The following PCNX2 variants were observed in gnomAD, a reference collection of about 807,000 sequenced individuals.
PCNX2 encodes the protein pecanex-like protein 2.
PCNX2 carries 168 observed loss-of-function variants against 223.8 expected under a neutral mutation model. That is an observed-to-expected ratio of 0.75 (90% confidence interval 0.66 to 0.85). The LOEUF (loss-of-function observed/expected upper bound fraction) is 0.85. Among genes scored for constraint, PCNX2 ranks in the 40% least tolerant of loss-of-function variants. The probability of loss-of-function intolerance (pLI) is 0.00; values close to 1 mark genes in which losing one functional copy is unlikely to be tolerated. For synonymous variants in PCNX2, 1,006 were observed against 1,052.6 expected, an observed-to-expected ratio of 0.96 and a Z score of 0.86; for missense variants, 2,507 against 2,675.5, an observed-to-expected ratio of 0.94 and a Z score of 1.39.
At chr1:233,158,079 G>A (rs1429682899) in intron 19 of PCNX2, among the ~76,000 whole-genome samples, 2 of 151,952 alleles carry the variant, frequency 1.3e-5, no homozygotes, top group Admixed American at 6.6e-5. Context: ...CTTGAATCTT[G>A]TACTAAAAAG....
intron 19 of PCNX2, among the ~76,000 whole-genome samples, chr1:233,153,428 C>A (rs1343203871): frequency 6.6e-6 from 1 of 152,036 alleles, no homozygotes; most frequent in East Asian, 1.9e-4. Flanking sequence ...GAATGGTGAG[C>A]AAATACAAAA....
intron 1 of PCNX2, chr1:233,291,010 C>G (rs1305540558): frequency 9.1e-6 from 9 of 985,296 alleles, no homozygotes; most frequent in Non-Finnish European, 1.1e-5. Context: ...GAGTTGACCA[C>G]AATGCCACTG....
chr1:233,248,356 G>T (rs1255343797), intron 8 of PCNX2, among the ~76,000 whole-genome samples: 1 of 151,896 alleles, frequency 6.6e-6, no homozygotes, highest in Non-Finnish European at 1.5e-5. Context: ...CTTAGTGATT[G>T]GGCTCAGGTA....
the PCNX2 span, among the ~76,000 whole-genome samples, chr1:233,311,940 A>G: frequency 1.3e-5 from 2 of 152,120 alleles, no homozygotes; most frequent in African/African-American, 4.8e-5. Context: ...CAGCCTAGGC[A>G]AGATGGTGAA....
intron 17 of PCNX2, among the ~76,000 whole-genome samples, chr1:233,166,131 G>A (rs1040745338): frequency 6.6e-6 from 1 of 151,980 alleles, no homozygotes; most frequent in Non-Finnish European, 1.5e-5. Context: ...TGAAGAAAAG[G>A]ATAATCTTTT....
intron 21 of PCNX2, chr1:233,113,075 T>G: frequency 8.4e-7 from 1 of 1,187,486 alleles, no homozygotes; most frequent in Non-Finnish European, 1.1e-6. Flanking sequence ...ACACTAAGAA[T>G]GCAGCCACAG....
chr1:233,161,983 TAC>T (rs1000083800), intron 17 of PCNX2, among the ~76,000 whole-genome samples: 3 of 148,176 alleles, frequency 2.0e-5, no homozygotes, highest in African/African-American at 7.4e-5. Flanking sequence ...TATTTATATA[TAC>T]ATATATTTAT....
At chr1:233,210,948 G>A (rs1292890482) in intron 12 of PCNX2, among the ~76,000 whole-genome samples, 1 of 152,194 alleles carries the variant, frequency 6.6e-6, no homozygotes, top group Non-Finnish European at 1.5e-5. Context: ...TCAGTGCAGA[G>A]AAGGAGCAAG....
intron 23 of PCNX2, among the ~76,000 whole-genome samples, chr1:233,085,065 T>G (rs937461109): frequency 3.7e-4 from 57 of 152,326 alleles, no homozygotes; most frequent in African/African-American, 1.3e-3. Flanking sequence ...CCAGGCGTGG[T>G]GGCTCACGCC....
chr1:233,310,705 A>T, the PCNX2 span, among the ~76,000 whole-genome samples: 26 of 152,200 alleles, frequency 1.7e-4, no homozygotes, highest in Non-Finnish European at 3.4e-4. Context: ...TGGGTCATTT[A>T]TAAAGAAAAG....
At chr1:233,007,129 C>T (rs1272839271) in intron 28 of PCNX2, among the ~76,000 whole-genome samples, 1 of 151,680 alleles carries the variant, frequency 6.6e-6, no homozygotes, top group Non-Finnish European at 1.5e-5. Context: ...ACGTGGAAGG[C>T]TGATGTGGGG....
rs1659845297 is a variant in PCNX2 at position 233,258,293 on chromosome 1, A to G, written c.1569T>C (p.His523=). Residue 523 remains histidine (H), a synonymous_variant, in exon 5 of 34, where the codon CAT becomes CAC. Coordinates refer to ENST00000258229, the MANE Select transcript of PCNX2 (RefSeq NM_014801.4). The part of the protein sequence containing the change: ...NLDPSSCKSS[H]EKRHARVLSV... Reference sequence around the variant, plus strand: ...TGAGCACCCGGGCATGCCTCTTTTCATGGCTGGACTTACAAGACGATGGGT... The same window carrying G: ...TGAGCACCCGGGCATGCCTCTTTTCGTGGCTGGACTTACAAGACGATGGGT... 5 of 1,613,862 alleles carry G rather than the reference A, an allele frequency of 3.1e-6. No homozygotes were observed. The highest frequency in any genetic ancestry group is 1.7e-6 in the Non-Finnish European group (2 of 1,179,890).
intron 23 of PCNX2, among the ~76,000 whole-genome samples, chr1:233,085,776 C>T (rs1203099541): frequency 6.6e-6 from 1 of 152,180 alleles, no homozygotes; most frequent in East Asian, 1.9e-4. Context: ...AGAGATTACA[C>T]AGAGAGGTTC....
At chr1:233,079,474 G>A (rs1032310154) in intron 23 of PCNX2, among the ~76,000 whole-genome samples, 11 of 147,870 alleles carry the variant, frequency 7.4e-5, no homozygotes, top group Non-Finnish European at 1.6e-4. Context: ...GTTGCAATGA[G>A]CCGAGATCAT....
At chr1:233,059,860 A>G (rs1232143328) in intron 23 of PCNX2, among the ~76,000 whole-genome samples, 3 of 152,252 alleles carry the variant, frequency 2.0e-5, no homozygotes, top group Non-Finnish European at 2.9e-5. Context: ...GGTGCTTAAG[A>G]AGAAACCTAA....
chr1:233,293,534 A>G (rs1328121157), intron 1 of PCNX2, among the ~76,000 whole-genome samples: 1 of 152,240 alleles, frequency 6.6e-6, no homozygotes, highest in African/African-American at 2.4e-5. Context: ...ATTAATGCTA[A>G]TAGTCTAACT....
At chr1:233,288,732 T>C (rs1028786616) in intron 1 of PCNX2, 1 of 591,756 alleles carries the variant, frequency 1.7e-6, no homozygotes. Context: ...CTGCATGGGA[T>C]GGCATTCAGC....
chr1:233,269,006 TG>T (rs1224555698), intron 1 of PCNX2, among the ~76,000 whole-genome samples: 1 of 152,050 alleles, frequency 6.6e-6, no homozygotes, highest in Non-Finnish European at 1.5e-5. Context: ...CCTGACCAAG[TG>T]GGTAAGTCTC....
intron 1 of PCNX2, among the ~76,000 whole-genome samples, chr1:233,286,534 T>C (rs1558426796): frequency 6.6e-6 from 1 of 152,158 alleles, no homozygotes. Context: ...AGAATCTGTA[T>C]AGATCTGCTT....
Sources: allele counts gnomAD v4.1 joint callset (sites outside exome capture counted in the v4.1 genomes callset), GRCh38; gene constraint gnomAD v4.1.1; transcripts MANE v1.5; gene names NCBI Gene and HGNC (gene_info 2026-07-23, HGNC 2026-07-21).